Variants in KCNA6 observed in about 807,000 individuals in gnomAD.
The protein encoded by KCNA6 is human brain potassium channel-2.
In KCNA6, 17 loss-of-function variants were observed where a neutral mutation model predicts 29.5. The observed-to-expected ratio is 0.58, with a 90% confidence interval of 0.39 to 0.86. The LOEUF (loss-of-function observed/expected upper bound fraction) is 0.86, where lower values mean the gene tolerates loss of function less well. Among genes scored for constraint, KCNA6 ranks in the 40% least tolerant of loss-of-function variants. The pLI is 0.00. For missense variants in KCNA6, 450 were observed against 703.4 expected, an observed-to-expected ratio of 0.64 and a Z score of 4.07; for synonymous variants, 296 against 304.7, an observed-to-expected ratio of 0.97 and a Z score of 0.30.
the KCNA6 span, chr12:4,838,943 G>A: frequency 6.6e-6 from 1 of 152,216 alleles, no homozygotes; most frequent in Admixed American, 6.5e-5. Flanking sequence ...GCATCCTGAG[G>A]TGTAGGGCTT....
Position 4,813,241 on chromosome 12 carries a change from C to G in KCNA6, c.*1610C>G, listed in dbSNP as rs548930541. The G allele has an allele frequency of 2.4e-5, 4 of 167,044 alleles. No individual in the cohort carries two copies. The East Asian group carries it at 7.7e-4, about 32-fold the overall frequency. The allele number at this position is 167,044 out of a possible 1,614,324, so 10.3% of individuals were successfully genotyped here. On this transcript the variant is annotated 3_prime_UTR_variant, in exon 1 of 1. Transcript: ENST00000280684. ...CTGCCAGCTCTAAATCTCGATCTTGCCATAACTTTACAGGGTAACTTGGGT... is the reference window on the plus strand; with the variant it reads ...CTGCCAGCTCTAAATCTCGATCTTGGCATAACTTTACAGGGTAACTTGGGT...
At chr12:4,816,013 G>A (rs1329677561), downstream of KCNA6, among the ~76,000 whole-genome samples, 1 of 152,004 alleles carries the variant, frequency 6.6e-6, no homozygotes, top group African/African-American at 2.4e-5. Flanking sequence ...TCTAAAAATC[G>A]CACCCCAAAA....
chr12:4,829,297 C>T, the KCNA6 span, among the ~76,000 whole-genome samples: 17 of 152,192 alleles, frequency 1.1e-4, no homozygotes, highest in East Asian at 1.7e-3. Flanking sequence ...CTGTACTTAC[C>T]GTCTGAGGAG....
chr12:4,812,703 A>G (rs1189285171), exon 1 of KCNA6: 1 of 167,132 alleles, frequency 6.0e-6, no homozygotes, highest in Non-Finnish European at 1.5e-5. Flanking sequence ...CTAGACAGGT[A>G]AAAGCACACA....
At chr12:4,835,370 G>T in the KCNA6 span, among the ~76,000 whole-genome samples, 1 of 152,098 alleles carries the variant, frequency 6.6e-6, no homozygotes, top group Non-Finnish European at 1.5e-5. Context: ...TCCTGACCTT[G>T]TGATCCGCCC....
chr12:4,816,236 A>C (rs1046348109), downstream of KCNA6, among the ~76,000 whole-genome samples: 2 of 147,834 alleles, frequency 1.4e-5, no homozygotes, highest in African/African-American at 5.0e-5. Flanking sequence ...ATTCATGCAC[A>C]ATACCACGAA....
chr12:4,816,862 C>G (rs1450271305), downstream of KCNA6, among the ~76,000 whole-genome samples: 3 of 152,122 alleles, frequency 2.0e-5, no homozygotes, highest in Non-Finnish European at 4.4e-5. Flanking sequence ...GACTCTGATC[C>G]CCTCTTGGCC....
At chr12:4,835,138 T>C in the KCNA6 span, among the ~76,000 whole-genome samples, 1 of 111,332 alleles carries the variant, frequency 9.0e-6, no homozygotes, top group South Asian at 3.1e-4. Context: ...AGAATGATTT[T>C]TTTTTTTTTT....
chr12:4,843,185 CT>C, the KCNA6 span, among the ~76,000 whole-genome samples: 19 of 146,812 alleles, frequency 1.3e-4, no homozygotes, highest in Admixed American at 2.7e-4. Context: ...AAATTCTTTA[CT>C]TTTTTTTTTT....
At chr12:4,818,213 G>T (rs983483805), downstream of KCNA6, among the ~76,000 whole-genome samples, 1 of 152,226 alleles carries the variant, frequency 6.6e-6, no homozygotes, top group African/African-American at 2.4e-5. Context: ...ACCTTGCGTT[G>T]CATCCTTCCC....
the KCNA6 span, among the ~76,000 whole-genome samples, chr12:4,848,143 G>A: frequency 6.6e-6 from 1 of 152,184 alleles, no homozygotes; most frequent in East Asian, 1.9e-4. Flanking sequence ...CTTTTGACAA[G>A]GTGGTGGGAT....
At chr12:4,848,176 G>A in the KCNA6 span, among the ~76,000 whole-genome samples, 2 of 152,104 alleles carry the variant, frequency 1.3e-5, no homozygotes, top group African/African-American at 4.8e-5. Flanking sequence ...GGCTTTGTGA[G>A]GTTGCAAAGG....
the KCNA6 span, among the ~76,000 whole-genome samples, chr12:4,827,313 G>A: frequency 6.7e-6 from 1 of 149,696 alleles, no homozygotes; most frequent in Non-Finnish European, 1.5e-5. Flanking sequence ...CTTAGATGAA[G>A]CCTATCCTAG....
the KCNA6 span, among the ~76,000 whole-genome samples, chr12:4,832,822 T>C: frequency 6.6e-6 from 1 of 152,218 alleles, no homozygotes; most frequent in Non-Finnish European, 1.5e-5. Context: ...TTATGTGGAC[T>C]GGACCACTCC....
chr12:4,837,962 C>T, the KCNA6 span, among the ~76,000 whole-genome samples: 2 of 152,002 alleles, frequency 1.3e-5, no homozygotes, highest in Non-Finnish European at 2.9e-5. Context: ...TTGGGTGCTG[C>T]TGCGCTAGAC....
the KCNA6 span, among the ~76,000 whole-genome samples, chr12:4,834,102 T>C: frequency 7.9e-5 from 12 of 152,038 alleles, no homozygotes; most frequent in East Asian, 2.1e-3. Context: ...TATAAATTTT[T>C]ATTTTTATTT....
chr12:4,838,999 T>G, the KCNA6 span: 1 of 152,210 alleles, frequency 6.6e-6, no homozygotes, highest in African/African-American at 2.4e-5. Flanking sequence ...CCATAATACA[T>G]ATCCTTAAAG....
rs752833096 is a variant in KCNA6 at position 4,810,087 on chromosome 12, C to A, written c.46C>A (p.Arg16Ser). Residue 16 changes from arginine to serine, a missense_variant, in exon 1 of 1, where the codon CGT becomes AGT. Physicochemically the swap from Arg to Ser is moderately radical, Grantham distance 110 (BLOSUM62 -1). Transcript: ENST00000280684. The surrounding 1 kb of genome is among the most constrained non-coding windows in gnomAD (Gnocchi z 7.5). ...TACGCTGGCGGCGCCGGGGGAGGTC[C>A]GTGGGCCGGAGGGAGAGCAACAGGA... is the stretch of plus-strand genomic sequence containing the variant. 1.8e-5 allele frequency: 28 copies of A among 1,558,972 alleles called. No homozygotes were observed. The highest frequency in any genetic ancestry group is 2.4e-5 in the Non-Finnish European group (28 of 1,154,968).
exon 1 of KCNA6, chr12:4,809,644 A>C: frequency 2.3e-5 from 4 of 170,944 alleles, no homozygotes; most frequent in Non-Finnish European, 3.7e-5. Context: ...CGCAGTGGGA[A>C]CTGGGAAGAG....
Sources: gnomAD v4.1 joint callset for allele counts (sites outside exome capture counted in the v4.1 genomes callset) on GRCh38, gnomAD v4.1.1 for gene constraint, Gnocchi (gnomAD v3.1) non-coding constraint, MANE v1.5 for transcripts, NCBI Gene and HGNC (gene_info 2026-07-23, HGNC 2026-07-21) for gene names.